STAC: variants seen among roughly 807,000 people sequenced by gnomAD.
STAC encodes the protein SH3 and cysteine-rich domain-containing protein.
Under a neutral mutation model 48.8 loss-of-function variants are expected in STAC, and 43 were observed. The observed-to-expected ratio is 0.88, with a 90% confidence interval of 0.69 to 1.14. The LOEUF (loss-of-function observed/expected upper bound fraction) is 1.14. Ranked by LOEUF, STAC falls within the 50% of genes most tolerant of loss-of-function variation. The probability of loss-of-function intolerance (pLI) is 0.00; values close to 1 mark genes in which losing one functional copy is unlikely to be tolerated. For missense variants in STAC, 497 were observed against 504.0 expected, an observed-to-expected ratio of 0.99 and a Z score of 0.13; for synonymous variants, 193 against 179.5, an observed-to-expected ratio of 1.07 and a Z score of -0.60.
intron 10 of STAC, among the ~76,000 whole-genome samples, chr3:36,534,656 T>A (rs1003705292): frequency 6.6e-6 from 1 of 152,112 alleles, no homozygotes; most frequent in Non-Finnish European, 1.5e-5. Context: ...TTTGCATTGA[T>A]ACAAGTATGT....
intron 5 of STAC, among the ~76,000 whole-genome samples, chr3:36,489,181 T>C (rs970917485): frequency 6.6e-6 from 1 of 152,208 alleles, no homozygotes; most frequent in Non-Finnish European, 1.5e-5. Context: ...GTCTATTCCC[T>C]GAATAAATAC....
intron 10 of STAC, among the ~76,000 whole-genome samples, chr3:36,533,788 C>A (rs1398199368): frequency 6.6e-6 from 1 of 152,060 alleles, no homozygotes; most frequent in Non-Finnish European, 1.5e-5. Flanking sequence ...TTCAGCTAGA[C>A]ACGTTCAAGA....
chr3:36,408,123 G>T (rs1700120634), intron 1 of STAC, among the ~76,000 whole-genome samples: 1 of 152,292 alleles, frequency 6.6e-6, no homozygotes, highest in Non-Finnish European at 1.5e-5. Flanking sequence ...AGCCAGGGTG[G>T]ACTCTTGTAT....
At chr3:36,428,889 T>C (rs989070021) in intron 1 of STAC, among the ~76,000 whole-genome samples, 9 of 152,174 alleles carry the variant, frequency 5.9e-5, no homozygotes, top group Admixed American at 1.3e-4. Flanking sequence ...CTGACTTCCA[T>C]CTTAAGTAAT....
intron 8 of STAC, among the ~76,000 whole-genome samples, chr3:36,523,931 A>C (rs1698864742): frequency 6.6e-6 from 1 of 152,212 alleles, no homozygotes; most frequent in Non-Finnish European, 1.5e-5. Context: ...GAAAACTCAC[A>C]GTTGAGAGTG....
intron 8 of STAC, among the ~76,000 whole-genome samples, chr3:36,513,693 C>T (rs1698598304): frequency 6.6e-6 from 1 of 152,138 alleles, no homozygotes; most frequent in Non-Finnish European, 1.5e-5. Context: ...AAGTCCTGCC[C>T]TTACCGCCCT....
At chr3:36,482,244 C>G (rs149081938) in intron 2 of STAC, among the ~76,000 whole-genome samples, 9 of 152,152 alleles carry the variant, frequency 5.9e-5, no homozygotes, top group Non-Finnish European at 1.3e-4. Context: ...GTGTGCAGCA[C>G]CTGCCATCTT....
rs532164684 is a variant in STAC, at chr3:36,437,149, G to T, written c.112-6215G>T. Among the ~76,000 whole-genome samples the T allele has an allele frequency of 3.0e-3, 455 of 151,768 alleles. 4 individuals carry two copies. Among genetic ancestry groups the T allele is most frequent in the African/African-American group, 9.6e-3 (396 of 41,204 alleles). The stretch of plus-strand genomic sequence containing the variant: ...CAACAGGTGCTGGAGAGGATGTGGA[G>T]AAACAGGAACACTTTTACACTGTTG... On this transcript the variant is annotated intron_variant, in intron 1 of 10. Coordinates refer to ENST00000273183, the MANE Select transcript of STAC (RefSeq NM_003149.3).
At chr3:36,493,123 T>A (rs1192983995) in intron 5 of STAC, 28 bp from the exon 6 acceptor site, 1 of 1,602,018 alleles carries the variant, frequency 6.2e-7, no homozygotes, top group African/African-American at 1.3e-5. Flanking sequence ...ACATTGTTCA[T>A]CCCATGCTCT....
intron 1 of STAC, among the ~76,000 whole-genome samples, chr3:36,407,965 G>T (rs1172834505): frequency 6.6e-6 from 1 of 152,200 alleles, no homozygotes; most frequent in Non-Finnish European, 1.5e-5. Flanking sequence ...GCAGCTGTAT[G>T]TCTGAGGTCC....
intron 2 of STAC, among the ~76,000 whole-genome samples, chr3:36,448,189 C>T (rs10671935): frequency 0.24 from 16,619 of 68,626 alleles, 1,172 homozygotes; most frequent in East Asian, 0.41. Flanking sequence ...TTTTATTTTA[C>T]TTTATTTTAC....
In STAC at chr3:36,486,195, G is replaced by T; in HGVS notation, c.633G>T (p.Gln211His). 6.2e-7 allele frequency: 1 copy of T among 1,614,038 alleles called. No individual in the cohort carries two copies. The highest frequency in any genetic ancestry group is 1.6e-4 in the Middle Eastern group (1 of 6,062). The change falls in exon 5 of 11, where the codon CAG (glutamine) becomes CAT (histidine). Residue 211 changes from glutamine to histidine, a missense_variant. Physicochemically the swap from Gln to His is conservative, Grantham distance 24. Transcript: ENST00000273183. The part of the protein sequence containing the change: ...ETLRFGTSLA[Q>H]RTKKGSSGSG... ...TCCGCTTCGGCACCTCCCTGGCCCA[G>T]AGGACAAAGAAGGGCAGCTCCGGCA...
chr3:36,543,423 T>C (rs1269252718), intron 10 of STAC, among the ~76,000 whole-genome samples: 2 of 152,096 alleles, frequency 1.3e-5, no homozygotes, highest in Non-Finnish European at 2.9e-5. Context: ...CGTAAAAAGG[T>C]CTCCCAAAAT....
chr3:36,544,814 G>A (rs1241057299), intron 10 of STAC, among the ~76,000 whole-genome samples: 1 of 152,112 alleles, frequency 6.6e-6, no homozygotes, highest in African/African-American at 2.4e-5. Flanking sequence ...ACCCACATCT[G>A]CTCTTCATGA....
intron 10 of STAC, among the ~76,000 whole-genome samples, chr3:36,539,508 C>A (rs1699272641): frequency 6.6e-6 from 1 of 152,172 alleles, no homozygotes. Context: ...TGGCCTCCAG[C>A]TCCATCCATA....
At chr3:36,512,317 T>C (rs1450001185) in intron 8 of STAC, among the ~76,000 whole-genome samples, 1 of 152,170 alleles carries the variant, frequency 6.6e-6, no homozygotes, top group Non-Finnish European at 1.5e-5. Context: ...CTGCCTAGAA[T>C]TCCTCGCTGG....
chr3:36,445,124 T>C (rs1484441892), intron 2 of STAC, among the ~76,000 whole-genome samples: 1 of 152,210 alleles, frequency 6.6e-6, no homozygotes, highest in Admixed American at 6.5e-5. Context: ...AGACAGAGGA[T>C]GTGTTTTTAA....
chr3:36,435,378 T>C (rs1289523446), intron 1 of STAC, among the ~76,000 whole-genome samples: 4 of 152,206 alleles, frequency 2.6e-5, no homozygotes, highest in South Asian at 2.1e-4. Context: ...TTTCTCCTTA[T>C]GGTGGCCTGC....
intron 10 of STAC, 74 bp from the exon 11 acceptor site, chr3:36,546,117 A>T: frequency 7.9e-7 from 1 of 1,265,492 alleles, no homozygotes; most frequent in South Asian, 1.2e-5. Context: ...GTCAGCAGGG[A>T]TTCAAGCTGC....
Sources: gnomAD v4.1 joint callset for allele counts (sites outside exome capture counted in the v4.1 genomes callset) on GRCh38, gnomAD v4.1.1 for gene constraint, MANE v1.5 for transcripts, NCBI Gene and HGNC (gene_info 2026-07-23, HGNC 2026-07-21) for gene names.